LRRK2: variants seen among roughly 807,000 people sequenced by gnomAD.
LRRK2 encodes leucine rich repeat kinase 2.
A neutral mutation model predicts 302.6 loss-of-function variants in LRRK2; 203 were observed. The observed-to-expected ratio is 0.67, with a 90% CI of 0.60 to 0.75. The LOEUF (loss-of-function observed/expected upper bound fraction) is 0.75, where lower values mean the gene tolerates loss of function less well. Among genes scored for constraint, LRRK2 ranks in the 30% least tolerant of loss-of-function variants. The probability of loss-of-function intolerance (pLI) is 0.00; values close to 1 mark genes in which losing one functional copy is unlikely to be tolerated. For synonymous variants in LRRK2, 1,066 were observed against 1,031.9 expected (o/e 1.03, Z -0.63); for missense variants, 2,830 against 2,951.0 (o/e 0.96, Z 0.95).
chr12:40,321,660 T>C (rs995484252), intron 35 of LRRK2, among the ~76,000 whole-genome samples: 1 of 152,116 alleles, frequency 6.6e-6, no homozygotes, highest in African/African-American at 2.4e-5. Context: ...CTTACCTTGA[T>C]TGGAATTAAT....
chr12:40,352,481 A>ATTTTTTTTTTTTTT (rs1565773923), intron 44 of LRRK2, among the ~76,000 whole-genome samples: 10 of 21,942 alleles, frequency 4.6e-4, no homozygotes, highest in Non-Finnish European at 7.9e-4. Flanking sequence ...TTTTTTTTTA[A>ATTTTTTTTTTTTTT]TTGATCATTC....
intron 4 of LRRK2, 125 bp downstream of exon 4, chr12:40,235,839 T>A (rs1434252489): frequency 1.5e-6 from 1 of 648,256 alleles, no homozygotes; most frequent in African/African-American, 1.9e-5. Flanking sequence ...GTAGCTTGAT[T>A]TAAATGTCCT....
chr12:40,346,936 T>C lies in LRRK2; in HGVS notation c.6280+13T>C. 2 of 1,602,838 alleles carry C rather than the reference T, an allele frequency of 1.2e-6. No individual in the cohort carries two copies. Among genetic ancestry groups the C allele is most frequent in the Non-Finnish European group, 1.7e-6 (2 of 1,176,140 alleles). ...GGAAAATTACCTGGTAAGTTCTGTT[T>C]TCTCTACAATGAAGATTTTTTTTCT... is the stretch of plus-strand genomic sequence containing the variant. On this transcript the variant is annotated intron_variant, in intron 42 of 50. Coordinates refer to ENST00000298910, the MANE Select transcript of LRRK2 (RefSeq NM_198578.4).
At chr12:40,351,779 C>A (rs896062596) in intron 44 of LRRK2, 46 bp downstream of exon 44, 8 of 1,566,208 alleles carry the variant, frequency 5.1e-6, no homozygotes, top group East Asian at 2.2e-5. Context: ...AAAGCATATA[C>A]CATTTGGAAA....
intron 33 of LRRK2, 49 bp from the exon 34 acceptor site, chr12:40,319,939 C>T: frequency 6.4e-7 from 1 of 1,550,822 alleles, no homozygotes; most frequent in Non-Finnish European, 8.8e-7. Context: ...AAATTTGCAA[C>T]ATTTCAGAAA....
At chr12:40,359,168 G>T in intron 46 of LRRK2, 92 bp from the exon 47 acceptor site, 1 of 1,046,168 alleles carries the variant, frequency 9.6e-7, no homozygotes, top group South Asian at 1.5e-5. Context: ...CATTTAAGAT[G>T]GAAAGTAGTT....
intron 11 of LRRK2, among the ~76,000 whole-genome samples, chr12:40,253,481 A>T (rs1272633535): frequency 6.6e-6 from 1 of 151,906 alleles, no homozygotes; most frequent in African/African-American, 2.4e-5. Context: ...AAACTTTTGG[A>T]CTCAGGTGAT....
At chr12:40,337,550 C>T (rs1459321529) in intron 40 of LRRK2, among the ~76,000 whole-genome samples, 3 of 152,136 alleles carry the variant, frequency 2.0e-5, no homozygotes, top group South Asian at 2.1e-4. Flanking sequence ...CACCTTCCCC[C>T]GAAAGCAAGT....
At chr12:40,239,840 A>G (rs1164771399) in intron 5 of LRRK2, among the ~76,000 whole-genome samples, 5 of 152,192 alleles carry the variant, frequency 3.3e-5, no homozygotes, top group African/African-American at 9.7e-5. Flanking sequence ...GTTTTCTAAC[A>G]TATTTCTGGC....
chr12:40,339,834 G>A (rs1234500461), intron 40 of LRRK2, among the ~76,000 whole-genome samples: 1 of 152,110 alleles, frequency 6.6e-6, no homozygotes, highest in East Asian at 1.9e-4. Context: ...AAATTTTAAA[G>A]CTGAGCTAAA....
At chr12:40,259,060 T>C (rs1942650686) in intron 12 of LRRK2, among the ~76,000 whole-genome samples, 2 of 152,140 alleles carry the variant, frequency 1.3e-5, no homozygotes, top group Admixed American at 1.3e-4. Flanking sequence ...AAGGTTCGTG[T>C]GATGTAAAGA....
rs766987860 is a variant in LRRK2 at position 40,364,933 on chromosome 12, C to A, written c.7273C>A (p.Leu2425Ile). The A allele has an allele frequency of 6.2e-7, 1 of 1,612,544 alleles. No homozygotes were observed. Among genetic ancestry groups the A allele is most frequent in the Admixed American group, 1.7e-5 (1 of 59,802 alleles). ...CCTCTGCCTTCAGAAGAACACTGCT[C>A]TTTGGATAGGAACTGGAGGAGGCCA... ...KTLCLQKNTA[L>I]WIGTGGGHIL... is the part of the protein sequence containing the mutation. Residue 2425 changes from leucine to isoleucine, a missense_variant, in exon 49 of 51, where the codon CTT (leucine) becomes ATT (isoleucine). This residue lies in a region of LRRK2 where 456 missense variants were observed against 456.3 expected (regional missense o/e 1.00). Transcript: ENST00000298910.
chr12:40,365,745 G>T (rs1946859317), intron 49 of LRRK2: 1 of 151,968 alleles, frequency 6.6e-6, no homozygotes, highest in East Asian at 1.9e-4. Context: ...AATAATGAAT[G>T]TTTTGAACAT....
At chr12:40,228,445 T>TTC in intron 2 of LRRK2, among the ~76,000 whole-genome samples, 1 of 149,824 alleles carries the variant, frequency 6.7e-6, no homozygotes, top group Non-Finnish European at 1.5e-5. Flanking sequence ...TTTTTTTTTT[T>TTC]TTTTTTTTTT....
intron 39 of LRRK2, among the ~76,000 whole-genome samples, chr12:40,333,540 G>A (rs1042842913): frequency 6.6e-6 from 1 of 152,150 alleles, no homozygotes; most frequent in Non-Finnish European, 1.5e-5. Context: ...AGGCTGTGAA[G>A]TCTCACATGA....
chr12:40,252,941 A>G lies in LRRK2; in HGVS notation c.1213A>G (p.Met405Val), dbSNP rs2136485702. 6.2e-7 allele frequency: 1 copy of G among 1,613,430 alleles called. No homozygotes were observed. The highest frequency in any genetic ancestry group is 1.1e-5 in the South Asian group (1 of 91,082). ...AGCTCATAGGGAAGTGATGCTCTCCATGCTGATGCATTCTTCATCAAAGGA... is the reference window on the plus strand; with the variant it reads ...AGCTCATAGGGAAGTGATGCTCTCCGTGCTGATGCATTCTTCATCAAAGGA... ...FPAHREVMLS[M>V]LMHSSSKEVF... is the part of the protein sequence containing the mutation. The change falls in exon 11 of 51, where the codon ATG becomes GTG. Residue 405 changes from methionine (M) to valine (V), a missense_variant. Transcript: ENST00000298910.
intron 2 of LRRK2, 59 bp downstream of exon 2, chr12:40,225,699 AC>A: frequency 6.9e-7 from 1 of 1,443,098 alleles, no homozygotes. Context: ...GAGACGTTTT[AC>A]TGGCAATGTT....
chr12:40,226,669 C>T (rs557328568), intron 2 of LRRK2, among the ~76,000 whole-genome samples: 1 of 151,486 alleles, frequency 6.6e-6, no homozygotes, highest in South Asian at 2.1e-4. Flanking sequence ...TATTTTCCAT[C>T]TGACTATTAT....
chr12:40,238,058 G>C lies in LRRK2; in HGVS notation c.526G>C (p.Val176Leu), dbSNP rs200861326. ...AMHSFPANDE[V>L]QKLGCKALHV... ...GCACTCATTTCCAGCCAATGATGAA[G>C]TCCAGAAACTTGGATGCAAAGCTTT... The change falls in exon 5 of 51, where the codon GTC becomes CTC. Residue 176 changes from valine (V) to leucine (L), a missense_variant. Val to Leu is a conservative substitution (Grantham distance 32). Transcript: ENST00000298910. The C allele has an allele frequency of 3.3e-5, 54 of 1,613,606 alleles. No homozygotes were observed. Among genetic ancestry groups the C allele is most frequent in the Non-Finnish European group, 4.2e-5 (50 of 1,179,792 alleles).
Sources: allele counts gnomAD v4.1 joint callset (sites outside exome capture counted in the v4.1 genomes callset), GRCh38; gene constraint gnomAD v4.1.1; regional missense constraint gnomAD v4.1.1; transcripts MANE v1.5; gene names NCBI Gene and HGNC (gene_info 2026-07-23, HGNC 2026-07-21).